ACSF3: variants seen among roughly 807,000 people sequenced by gnomAD.
ACSF3 encodes the protein malonate--CoA ligase ACSF3, mitochondrial.
In ACSF3, 78 loss-of-function variants were observed where a neutral mutation model predicts 53.2. The observed-to-expected ratio is 1.47, with a 90% confidence interval of 1.22 to 1.77. The LOEUF is 1.77. Ranked by LOEUF, ACSF3 falls within the 40% of genes most tolerant of loss-of-function variation. The probability of loss-of-function intolerance (pLI) is 0.00; values close to 1 mark genes in which losing one functional copy is unlikely to be tolerated. For missense variants in ACSF3, 937 were observed against 771.1 expected (o/e 1.22, Z -2.55); for synonymous variants, 414 against 333.1 (o/e 1.24, Z -2.65).
intron 8 of ACSF3, among the ~76,000 whole-genome samples, chr16:89,140,717 CGAGGCCCA>C (rs1338904296): frequency 6.6e-6 from 1 of 152,182 alleles, no homozygotes; most frequent in Non-Finnish European, 1.5e-5. Flanking sequence ...GTGCTTCCTC[CGAGGCCCA>C]CAGACAAGTT....
At chr16:89,115,258 G>GA (rs1360924935) in intron 6 of ACSF3, 1 of 153,488 alleles carries the variant, frequency 6.5e-6, no homozygotes, top group Non-Finnish European at 1.5e-5. Context: ...TGTGTCTTAA[G>GA]AAACATCATC....
chr16:89,137,818 GCCT>G (rs917109919), intron 8 of ACSF3, among the ~76,000 whole-genome samples: 5 of 152,192 alleles, frequency 3.3e-5, no homozygotes, highest in Non-Finnish European at 7.4e-5. Context: ...CATCAGCCCA[GCCT>G]CCCAGGCCCT....
At chr16:89,136,195 C>T (rs537576152) in intron 8 of ACSF3, among the ~76,000 whole-genome samples, 6 of 152,336 alleles carry the variant, frequency 3.9e-5, no homozygotes, top group East Asian at 1.9e-4. Context: ...GGAGGGCAGC[C>T]GTGTGAGATG....
intron 4 of ACSF3, among the ~76,000 whole-genome samples, chr16:89,103,068 C>T (rs1975553312): frequency 6.6e-6 from 1 of 152,230 alleles, no homozygotes; most frequent in African/African-American, 2.4e-5. Flanking sequence ...AATAACAGAA[C>T]AGTTATAACC....
chr16:89,107,992 T>G (rs1976216117), intron 4 of ACSF3, among the ~76,000 whole-genome samples: 1 of 152,098 alleles, frequency 6.6e-6, no homozygotes, highest in Non-Finnish European at 1.5e-5. Flanking sequence ...AGAATCATGG[T>G]GGGAGGCAAA....
chr16:89,099,714 G>A lies in ACSF3; in HGVS notation c.-20-948G>A, dbSNP rs530085292. On this transcript the variant is annotated intron_variant, in intron 2 of 10. Transcript: ENST00000614302. Reference sequence around the variant, plus strand: ...GGAGAATCACTTGAACCCAGGAGGCGGAGGTTACAGTGAGCCCAGATCACA... The same window carrying A: ...GGAGAATCACTTGAACCCAGGAGGCAGAGGTTACAGTGAGCCCAGATCACA... Among the ~76,000 whole-genome samples, 22 of 152,052 alleles carry A rather than the reference G, an allele frequency of 1.4e-4. 1 individual carries two copies. The highest frequency in any genetic ancestry group is 4.2e-4 in the South Asian group (2 of 4,794).
chr16:89,127,558 G>T (rs976426903), intron 7 of ACSF3, among the ~76,000 whole-genome samples: 2 of 151,924 alleles, frequency 1.3e-5, no homozygotes, highest in Admixed American at 6.6e-5. Context: ...TAGAGTTGGG[G>T]GTCTCACTAT....
intron 7 of ACSF3, among the ~76,000 whole-genome samples, chr16:89,132,919 G>C (rs1194546883): frequency 6.6e-6 from 1 of 152,278 alleles, no homozygotes; most frequent in African/African-American, 2.4e-5. Context: ...CAGGGCACCA[G>C]GGCCCACAGA....
intron 8 of ACSF3, among the ~76,000 whole-genome samples, chr16:89,137,845 G>A (rs1910946343): frequency 6.6e-6 from 1 of 152,196 alleles, no homozygotes; most frequent in Non-Finnish European, 1.5e-5. Flanking sequence ...CGTGCTCATG[G>A]GCACCACTGC....
chr16:89,141,215 C>T (rs1237268081), intron 8 of ACSF3: 3 of 1,287,108 alleles, frequency 2.3e-6, no homozygotes, highest in African/African-American at 3.0e-5. Flanking sequence ...TTGATAGCAG[C>T]GTCCCAGCCT....
At position 89,100,768 on chromosome 16, in the gene ACSF3, T is replaced by A; in HGVS notation, c.87T>A (p.Ser29Arg). Residue 29 changes from serine (S) to arginine (R), a missense_variant, in exon 3 of 11, where the codon AGT becomes AGA. Ser to Arg is a moderately radical substitution (Grantham distance 110, BLOSUM62 -1). Coordinates refer to ENST00000614302, the MANE Select transcript of ACSF3 (RefSeq NM_001243279.3). Reference sequence around the variant, plus strand: ...TGGCGCCTGCGAGACACAGAGGAAGTGGTCTTCTGCACACAGCCCCAGTGG... The same window carrying A: ...TGGCGCCTGCGAGACACAGAGGAAGAGGTCTTCTGCACACAGCCCCAGTGG... ...CRLAPARHRGSGLLHTAPVAR... is the reference protein window; with the variant it reads ...CRLAPARHRGRGLLHTAPVAR... 6.2e-7 allele frequency: 1 copy of A among 1,609,552 alleles called. No individual in the cohort carries two copies. Among genetic ancestry groups the A allele is most frequent in the Non-Finnish European group, 8.5e-7 (1 of 1,179,860 alleles).
chr16:89,120,963 C>A (rs890099666), intron 7 of ACSF3, 50 bp downstream of exon 7: 15 of 1,540,880 alleles, frequency 9.7e-6, no homozygotes, highest in African/African-American at 1.4e-5. Context: ...CCAGTCTAGG[C>A]CCCCCAGGGT....
At chr16:89,106,088 G>C (rs1288669666) in intron 4 of ACSF3, among the ~76,000 whole-genome samples, 1 of 152,232 alleles carries the variant, frequency 6.6e-6, no homozygotes, top group Non-Finnish European at 1.5e-5. Context: ...TGTGTCCCAA[G>C]GGCGTCTGCC....
intron 6 of ACSF3, among the ~76,000 whole-genome samples, 187 bp from the exon 7 acceptor site, chr16:89,120,614 C>A (rs937302115): frequency 6.6e-6 from 1 of 152,242 alleles, no homozygotes; most frequent in African/African-American, 2.4e-5. Context: ...AGCCACGTAT[C>A]GTGTGGCTTT....
At chr16:89,138,546 G>A (rs992083518) in intron 8 of ACSF3, among the ~76,000 whole-genome samples, 1 of 152,246 alleles carries the variant, frequency 6.6e-6, no homozygotes, top group Admixed American at 6.5e-5. Context: ...GCTTGCCCCA[G>A]CCCCTTTCAT....
At chr16:89,143,088 T>C (rs1353417861) in intron 8 of ACSF3, among the ~76,000 whole-genome samples, 2 of 151,956 alleles carry the variant, frequency 1.3e-5, no homozygotes, top group African/African-American at 2.4e-5. Context: ...TTAAAACTTA[T>C]AAAAAAGATT....
intron 7 of ACSF3, 95 bp from the exon 8 acceptor site, chr16:89,133,041 C>T (rs1350087392): frequency 6.3e-7 from 1 of 1,575,792 alleles, no homozygotes; most frequent in African/African-American, 1.3e-5. Context: ...CCTGGGTGGG[C>T]CCTGGGTGGG....
At chr16:89,149,886 G>C (rs1418393170) in intron 10 of ACSF3, 3 of 152,250 alleles carry the variant, frequency 2.0e-5, no homozygotes, top group African/African-American at 4.8e-5. Flanking sequence ...TTTTTGGCTT[G>C]AAGGTGGGGT....
chr16:89,153,707 A>G, intron 10 of ACSF3: 1 of 306,532 alleles, frequency 3.3e-6, no homozygotes, highest in Non-Finnish European at 6.4e-6. Context: ...TGGAAGGGGA[A>G]CGGGCCACAG....
Sources: gnomAD v4.1 joint callset for allele counts (sites outside exome capture counted in the v4.1 genomes callset) on GRCh38, gnomAD v4.1.1 for gene constraint, MANE v1.5 for transcripts, NCBI Gene and HGNC (gene_info 2026-07-23, HGNC 2026-07-21) for gene names.